The following EOGT variants were observed in gnomAD, a reference collection of about 807,000 sequenced individuals.
EOGT encodes EGF domain specific O-linked N-acetylglucosamine transferase, also known as EGF domain-specific O-linked N-acetylglucosamine transferase.
A neutral mutation model predicts 70.5 loss-of-function variants in EOGT; 55 were observed. That is an observed-to-expected ratio of 0.78 (90% CI 0.63 to 0.98). The LOEUF (loss-of-function observed/expected upper bound fraction) is 0.98. EOGT is among the 50% of genes least tolerant of loss of function. The pLI is 0.00. For missense variants in EOGT, 703 were observed against 641.9 expected, an observed-to-expected ratio of 1.10 and a Z score of -1.03; for synonymous variants, 246 against 217.1, an observed-to-expected ratio of 1.13 and a Z score of -1.17.
intron 10 of EOGT, among the ~76,000 whole-genome samples, chr3:68,993,255 G>A (rs2091047324): frequency 6.6e-6 from 1 of 152,132 alleles, no homozygotes; most frequent in African/African-American, 2.4e-5. Flanking sequence ...TTTTAAAACT[G>A]AGTGTCTTTC....
At chr3:69,003,297 C>T (rs1209528417) in intron 8 of EOGT, among the ~76,000 whole-genome samples, 1 of 152,170 alleles carries the variant, frequency 6.6e-6, no homozygotes, top group Non-Finnish European at 1.5e-5. Context: ...AGACAACGTA[C>T]AAGTTCTCCT....
intron 10 of EOGT, among the ~76,000 whole-genome samples, chr3:68,997,267 G>C (rs887002216): frequency 1.3e-5 from 2 of 152,182 alleles, no homozygotes; most frequent in Admixed American, 1.3e-4. Flanking sequence ...ACAGTAACAA[G>C]GAAGCTGCTA....
At chr3:69,013,002 A>T (rs921751802) in intron 1 of EOGT, among the ~76,000 whole-genome samples, 6 of 152,080 alleles carry the variant, frequency 3.9e-5, no homozygotes, top group Admixed American at 3.3e-4. Flanking sequence ...TGTGCCAAAA[A>T]GTCTCTCGGC....
In EOGT at chr3:68,987,430, A is replaced by C. The variant is rs1339431797; in HGVS notation, c.1152+15T>G. 6.3e-7 allele frequency: 1 copy of C among 1,592,564 alleles called. No individual in the cohort carries two copies. Among genetic ancestry groups the C allele is most frequent in the Admixed American group, 1.7e-5 (1 of 59,350 alleles). ...TTGAATATGAAGGCATTAAAAATGC[A>C]TACCAAAAACTAACCTCATTTTGGT... is the stretch of plus-strand genomic sequence containing the variant. On this transcript the variant is annotated intron_variant, in intron 14 of 17. Transcript: ENST00000383701.
intron 10 of EOGT, among the ~76,000 whole-genome samples, chr3:68,991,080 T>C (rs1006628786): frequency 1.3e-5 from 2 of 152,150 alleles, no homozygotes; most frequent in African/African-American, 4.8e-5. Context: ...AAATAAAATA[T>C]GTTTGAAAGG....
At chr3:69,005,355 G>T in intron 6 of EOGT, 121 bp from the exon 7 acceptor site, 1 of 534,214 alleles carries the variant, frequency 1.9e-6, no homozygotes, top group Non-Finnish European at 3.3e-6. Context: ...AACATGACAA[G>T]GAAAGCTCTC....
At position 68,997,727 on chromosome 3, in the gene EOGT, T is replaced by C. The variant is rs2091189597; in HGVS notation, c.831+284A>G. On this transcript the variant is annotated intron_variant, in intron 10 of 17. Transcript: ENST00000383701. ...AACACTAAGCCAAAGTCACTGAATC[T>C]CTGGCCTTTGGAGCTCCACCCACCC... Among the ~76,000 whole-genome samples, 3 of 152,162 alleles carry C rather than the reference T, an allele frequency of 2.0e-5. No homozygotes were observed. In the South Asian group the frequency reaches 6.2e-4, roughly 32 times the overall value.
At chr3:68,989,129 G>A (rs371772354) in intron 10 of EOGT, 112 bp from the exon 11 acceptor site, 30 of 562,484 alleles carry the variant, frequency 5.3e-5, no homozygotes, top group Middle Eastern at 3.0e-4. Context: ...ACAATCCTAC[G>A]CAAGTTCATA....
chr3:68,980,184 T>A (rs767026969), intron 15 of EOGT, among the ~76,000 whole-genome samples: 1 of 152,204 alleles, frequency 6.6e-6, no homozygotes, highest in African/African-American at 2.4e-5. Context: ...TCTTTCTTCA[T>A]GAAAAAGAGA....
At chr3:68,995,870 C>T (rs1486913067) in intron 10 of EOGT, among the ~76,000 whole-genome samples, 3 of 152,186 alleles carry the variant, frequency 2.0e-5, no homozygotes, top group African/African-American at 7.2e-5. Context: ...TTAGAACACT[C>T]ACCTGCTGCT....
chr3:68,986,410 T>C (rs1477674872), intron 14 of EOGT, among the ~76,000 whole-genome samples: 1 of 152,074 alleles, frequency 6.6e-6, no homozygotes, highest in Non-Finnish European at 1.5e-5. Flanking sequence ...TCCCCTACAC[T>C]GGAATAAAAT....
chr3:69,009,586 C>A, intron 4 of EOGT, 51 bp downstream of exon 4: 1 of 1,445,178 alleles, frequency 6.9e-7, no homozygotes. Context: ...ACCTGTAAGC[C>A]AGCTGAAATT....
At chr3:68,997,444 A>G (rs1559603844) in intron 10 of EOGT, among the ~76,000 whole-genome samples, 1 of 151,644 alleles carries the variant, frequency 6.6e-6, no homozygotes, top group South Asian at 2.1e-4. Flanking sequence ...TCTCGGCTCA[A>G]TGCAACCTCC....
chr3:68,986,143 C>A (rs2090799803), intron 14 of EOGT, among the ~76,000 whole-genome samples: 1 of 152,156 alleles, frequency 6.6e-6, no homozygotes, highest in African/African-American at 2.4e-5. Flanking sequence ...CAGGCCGAGG[C>A]AAAAGTTCTC....
At chr3:69,004,696 A>G (rs1013964664) in intron 7 of EOGT, among the ~76,000 whole-genome samples, 7 of 152,128 alleles carry the variant, frequency 4.6e-5, no homozygotes, top group African/African-American at 1.7e-4. Context: ...CGATTAACTC[A>G]TGGCCTGTCT....
At position 68,998,054 on chromosome 3, in the gene EOGT, T is replaced by C; in HGVS notation, c.788A>G (p.Asn263Ser). The C allele has an allele frequency of 6.2e-7, 1 of 1,601,828 alleles. No homozygotes were observed. The highest frequency in any genetic ancestry group is 1.3e-5 in the African/African-American group (1 of 74,602). The part of the protein sequence containing the change: ...FINLYITQHV[N>S]NSFSTDVYIV... ...GTACACGTCAGTACTGAATGAGTTA[T>C]TAACGTGCTGAGTAATATAAAGATT... The change falls in exon 10 of 18, where the codon AAT becomes AGT. Residue 263 changes from asparagine (N) to serine (S), a missense_variant. Asn to Ser is a conservative substitution (Grantham distance 46, BLOSUM62 1). Coordinates refer to ENST00000383701, the MANE Select transcript of EOGT (RefSeq NM_001278689.2).
chr3:69,000,957 A>T (rs1321210418), intron 9 of EOGT, among the ~76,000 whole-genome samples: 7 of 138,374 alleles, frequency 5.1e-5, no homozygotes, highest in Non-Finnish European at 7.9e-5. Flanking sequence ...ATGGCTTTTG[A>T]TTTTTTTTTT....
At chr3:69,005,308 C>T in intron 6 of EOGT, 74 bp from the exon 7 acceptor site, 1 of 760,300 alleles carries the variant, frequency 1.3e-6, no homozygotes, top group East Asian at 2.6e-5. Flanking sequence ...TTGCTAGACA[C>T]ACTGACAGCA....
At chr3:68,993,774 C>T (rs775178361) in intron 10 of EOGT, among the ~76,000 whole-genome samples, 4 of 151,992 alleles carry the variant, frequency 2.6e-5, no homozygotes, top group Admixed American at 2.0e-4. Flanking sequence ...GCTGGGGAGG[C>T]CTCAGAATCA....
Sources: gnomAD v4.1 joint callset for allele counts (sites outside exome capture counted in the v4.1 genomes callset) on GRCh38, gnomAD v4.1.1 for gene constraint, MANE v1.5 for transcripts, NCBI Gene and HGNC (gene_info 2026-07-23, HGNC 2026-07-21) for gene names.